Variants in ZNF407 observed in about 807,000 individuals in gnomAD.
ZNF407 encodes zinc finger protein 407.
Under a neutral mutation model 131.2 loss-of-function variants are expected in ZNF407, and 17 were observed. The observed-to-expected ratio is 0.13, with a 90% CI of 0.09 to 0.19. The LOEUF (loss-of-function observed/expected upper bound fraction) is 0.19. Among genes scored for constraint, ZNF407 ranks in the 10% least tolerant of loss-of-function variants. The probability of loss-of-function intolerance (pLI) is 1.00; values close to 1 mark genes in which losing one functional copy is unlikely to be tolerated. For missense variants in ZNF407, 2,681 were observed against 2,830.6 expected, an observed-to-expected ratio of 0.95 and a Z score of 1.20; for synonymous variants, 1,156 against 1,062.0, an observed-to-expected ratio of 1.09 and a Z score of -1.72.
intron 8 of ZNF407, among the ~76,000 whole-genome samples, chr18:75,017,913 A>G (rs951228463): frequency 2.0e-5 from 3 of 152,172 alleles, no homozygotes; most frequent in Admixed American, 6.5e-5. Flanking sequence ...AGCACATGCC[A>G]GGACCTGAGT....
At chr18:74,757,113 C>G (rs1297193247) in intron 3 of ZNF407, among the ~76,000 whole-genome samples, 1 of 151,858 alleles carries the variant, frequency 6.6e-6, no homozygotes, top group African/African-American at 2.4e-5. Context: ...TTTATTTCAT[C>G]CCTTCTGCTC....
intron 8 of ZNF407, among the ~76,000 whole-genome samples, chr18:75,011,711 A>G (rs914256406): frequency 1.3e-5 from 2 of 152,196 alleles, no homozygotes; most frequent in Admixed American, 1.3e-4. Flanking sequence ...AATAAGCTCT[A>G]CTTAAGTAGT....
chr18:74,742,213 C>G (rs72971336), intron 3 of ZNF407, among the ~76,000 whole-genome samples: 28 of 152,264 alleles, frequency 1.8e-4, no homozygotes, highest in Non-Finnish European at 3.7e-4. Flanking sequence ...ACAGAACATG[C>G]TTTTAATGAA....
At chr18:74,796,595 C>T (rs1969924472) in intron 4 of ZNF407, among the ~76,000 whole-genome samples, 1 of 152,156 alleles carries the variant, frequency 6.6e-6, no homozygotes, top group African/African-American at 2.4e-5. Flanking sequence ...AAAATTCTAG[C>T]ATACAATGCA....
chr18:74,714,266 C>T (rs1376545273), intron 3 of ZNF407, among the ~76,000 whole-genome samples: 1 of 152,180 alleles, frequency 6.6e-6, no homozygotes. Context: ...AGCAAAGTCA[C>T]TTCTTATAAG....
At position 74,674,913 on chromosome 18, in the gene ZNF407, A is replaced by C. The variant is rs144579964; in HGVS notation, c.4802+33791A>C. On this transcript the variant is annotated intron_variant, in intron 3 of 8. Transcript: ENST00000299687. Reference sequence around the variant, plus strand: ...GGCTTTAAAAAGTGTCTCTGTGACTAATCACCAAATGTATATCTCTAGTCT... The same window carrying C: ...GGCTTTAAAAAGTGTCTCTGTGACTCATCACCAAATGTATATCTCTAGTCT... Among the ~76,000 whole-genome samples the C allele has an allele frequency of 3.7e-4, 56 of 152,358 alleles. No homozygotes were observed. The East Asian group carries it at 8.3e-3, about 23-fold the overall frequency.
intron 8 of ZNF407, among the ~76,000 whole-genome samples, chr18:75,022,587 A>G (rs765947228): frequency 7.9e-5 from 12 of 152,194 alleles, no homozygotes; most frequent in Admixed American, 1.3e-4. Flanking sequence ...GCATGTAAAA[A>G]TTACCACTTA....
chr18:74,847,654 T>C (rs901089238), intron 4 of ZNF407, among the ~76,000 whole-genome samples: 1 of 152,194 alleles, frequency 6.6e-6, no homozygotes, highest in Non-Finnish European at 1.5e-5. Flanking sequence ...AGCAGCTTTG[T>C]CATATGGTTA....
At chr18:74,975,388 C>G (rs758950756) in intron 8 of ZNF407, among the ~76,000 whole-genome samples, 7 of 152,160 alleles carry the variant, frequency 4.6e-5, no homozygotes, top group Non-Finnish European at 7.4e-5. Flanking sequence ...GGGAAAGATG[C>G]ATCTTGTAGC....
intron 4 of ZNF407, among the ~76,000 whole-genome samples, chr18:74,789,879 C>A (rs1969793602): frequency 7.7e-6 from 1 of 129,932 alleles, no homozygotes; most frequent in Non-Finnish European, 1.6e-5. Context: ...TTCCTCTGTA[C>A]TTTTGTTCTA....
intron 3 of ZNF407, among the ~76,000 whole-genome samples, chr18:74,757,683 T>A (rs753299952): frequency 5.3e-5 from 8 of 152,126 alleles, no homozygotes; most frequent in Non-Finnish European, 8.8e-5. Flanking sequence ...TGTTCAAATC[T>A]TCCTTTCATT....
chr18:74,823,920 C>T (rs1241343791), intron 4 of ZNF407, among the ~76,000 whole-genome samples: 1 of 152,146 alleles, frequency 6.6e-6, no homozygotes, highest in African/African-American at 2.4e-5. Context: ...TTCTTCTCAG[C>T]ACCTCATTGC....
At chr18:74,671,041 T>C (rs1244438263) in intron 3 of ZNF407, among the ~76,000 whole-genome samples, 1 of 152,194 alleles carries the variant, frequency 6.6e-6, no homozygotes, top group East Asian at 1.9e-4. Context: ...ACTGTCCATC[T>C]CCAGAACTCT....
At chr18:74,987,533 A>T (rs1972667699) in intron 8 of ZNF407, among the ~76,000 whole-genome samples, 1 of 152,172 alleles carries the variant, frequency 6.6e-6, no homozygotes, top group Non-Finnish European at 1.5e-5. Context: ...CTGTTTAAGC[A>T]ATAAGAGAAT....
In ZNF407 at chr18:74,761,340, T is replaced by A. The variant is rs565928953; in HGVS notation, c.4803-20088T>A. Among the ~76,000 whole-genome samples, 6 of 152,238 alleles carry A rather than the reference T, an allele frequency of 3.9e-5. No homozygotes were observed. The East Asian group carries it at 1.2e-3, about 29-fold the overall frequency. On this transcript the variant is annotated intron_variant, in intron 3 of 8. Coordinates refer to ENST00000299687, the MANE Select transcript of ZNF407 (RefSeq NM_017757.3). ...CTCTTTAGCACTAAAATATTTCTTA[T>A]ACTTGTGCATATTTCTATGCATTTT... is the stretch of plus-strand genomic sequence containing the variant.
chr18:75,057,750 T>G (rs1973577296), intron 8 of ZNF407, among the ~76,000 whole-genome samples: 1 of 152,154 alleles, frequency 6.6e-6, no homozygotes, highest in African/African-American at 2.4e-5. Context: ...GAAAATGCCA[T>G]ATTCAGGATG....
intron 5 of ZNF407, among the ~76,000 whole-genome samples, chr18:74,880,559 G>A (rs1228553590): frequency 1.3e-5 from 2 of 152,158 alleles, no homozygotes; most frequent in South Asian, 4.1e-4. Flanking sequence ...AAGTGATTAA[G>A]GAAGACCCTA....
chr18:74,955,922 T>A (rs111261538), intron 8 of ZNF407, among the ~76,000 whole-genome samples: 15 of 152,338 alleles, frequency 9.8e-5, no homozygotes, highest in African/African-American at 3.4e-4. Context: ...ACCATACTTT[T>A]TTGTACATTA....
At chr18:74,717,336 G>A (rs1268810623) in intron 3 of ZNF407, among the ~76,000 whole-genome samples, 2 of 152,206 alleles carry the variant, frequency 1.3e-5, no homozygotes, top group Non-Finnish European at 2.9e-5. Flanking sequence ...GAGTCCGATA[G>A]TGGCACCTTT....
Sources: allele counts gnomAD v4.1 joint callset (sites outside exome capture counted in the v4.1 genomes callset), GRCh38; gene constraint gnomAD v4.1.1; transcripts MANE v1.5; gene names NCBI Gene and HGNC (gene_info 2026-07-23, HGNC 2026-07-21).